Variants in ARHGAP21 observed in about 807,000 individuals in gnomAD.
ARHGAP21 encodes Rho GTPase activating protein 21, also known as rho GTPase-activating protein 21.
In ARHGAP21, 38 loss-of-function variants were observed where a neutral mutation model predicts 164.6. That is an observed-to-expected ratio of 0.23 (90% CI 0.18 to 0.30). ARHGAP21 has a LOEUF of 0.30. Among genes scored for constraint, ARHGAP21 ranks in the 10% least tolerant of loss-of-function variants. The pLI is 1.00. For synonymous variants in ARHGAP21, 766 were observed against 857.9 expected, an observed-to-expected ratio of 0.89 and a Z score of 1.87; for missense variants, 1,822 against 2,370.7, an observed-to-expected ratio of 0.77 and a Z score of 4.81.
intron 25 of ARHGAP21, among the ~76,000 whole-genome samples, chr10:24,587,387 T>C (rs546646313): frequency 4.6e-5 from 7 of 152,248 alleles, no homozygotes; most frequent in Admixed American, 3.9e-4. Context: ...TGCTGAGTAA[T>C]AGAAACAGAC....
chr10:24,621,468 C>T, intron 8 of ARHGAP21, 99 bp from the exon 9 acceptor site: 1 of 1,100,764 alleles, frequency 9.1e-7, no homozygotes, highest in South Asian at 1.7e-5. Flanking sequence ...CTACCTCGTT[C>T]CTGAGTGACA....
At position 24,598,741 on chromosome 10, in the gene ARHGAP21, A is replaced by AGTCT. The variant is rs199519975; in HGVS notation, c.3133-736_3133-733dup. Among the ~76,000 whole-genome samples the AGTCT allele has an allele frequency of 1.5e-3, 231 of 151,518 alleles. 5 individuals carry two copies. In the East Asian group the frequency reaches 0.038, roughly 25 times the overall value. On this transcript the variant is annotated intron_variant, in intron 14 of 25. Transcript: ENST00000396432. ...TGATGATACAGTTTACAAAGAATAC[A>AGTCT]GTCTTTAAATACGGGAGTAAGTTAT...
In ARHGAP21 at chr10:24,659,718, G is replaced by C. The variant is rs549792148; in HGVS notation, c.268+7267C>G. Among the ~76,000 whole-genome samples, 5 of 152,268 alleles carry C rather than the reference G, an allele frequency of 3.3e-5. No individual in the cohort carries two copies. The South Asian group carries it at 1.0e-3, about 32-fold the overall frequency. Reference sequence around the variant, plus strand: ...GAGATCTTGCTATGTTACCCAGGCTGTTCTCAACCTCCTGGCCTCAAGCTG... The same window carrying C: ...GAGATCTTGCTATGTTACCCAGGCTCTTCTCAACCTCCTGGCCTCAAGCTG... On this transcript the variant is annotated intron_variant, in intron 4 of 25. Transcript: ENST00000396432.
At position 24,600,750 on chromosome 10, in the gene ARHGAP21, G is replaced by T. The variant is rs2130897222; in HGVS notation, c.3028C>A (p.Arg1010=). The T allele has an allele frequency of 6.2e-7, 1 of 1,613,886 alleles. No homozygotes were observed. Among genetic ancestry groups the T allele is most frequent in the East Asian group, 2.2e-5 (1 of 44,868 alleles). ...CATTCACAGTCGGACGTGGTGAGTC[G>T]AAACACATTTTTCCTCTTGGTCTCA... ...YSETKRKNVF[R]LTTSDCECLF... is the part of the protein sequence containing the mutation. The change falls in exon 14 of 26, where the codon CGA becomes AGA. Residue 1010 remains arginine (R), a synonymous_variant. Transcript: ENST00000396432.
rs1273854694 is a variant in ARHGAP21, at chr10:24,723,582, G to C, written c.-401C>G. The C allele has an allele frequency of 6.8e-6, 1 of 146,334 alleles. No individual in the cohort carries two copies. Among genetic ancestry groups the C allele is most frequent in the Non-Finnish European group, 1.5e-5 (1 of 65,712 alleles). 9.1% of individuals were successfully genotyped at this position (146,334 alleles called of 1,614,324 possible). On this transcript the variant is annotated 5_prime_UTR_variant, in exon 1 of 26. It adds an upstream start codon to the 5' untranslated region. Coordinates refer to ENST00000396432, the MANE Select transcript of ARHGAP21 (RefSeq NM_020824.4). Reference sequence around the variant, plus strand: ...CGCACCAGAGGAAGCGGGACGAGTGGATCCGCACGGGGCTGGCCGGCTCCG... The same window carrying C: ...CGCACCAGAGGAAGCGGGACGAGTGCATCCGCACGGGGCTGGCCGGCTCCG...
chr10:24,584,842 A>C lies in ARHGAP21; in HGVS notation c.5447T>G (p.Leu1816Trp). Residue 1816 changes from leucine to tryptophan, a missense_variant, in exon 26 of 26, where the codon TTG (leucine) becomes TGG (tryptophan). Leu to Trp is a moderately conservative substitution (Grantham distance 61, BLOSUM62 -2). This residue lies in a region of ARHGAP21 where 165 missense variants were observed against 176.6 expected (regional missense o/e 0.93). Coordinates refer to ENST00000396432, the MANE Select transcript of ARHGAP21 (RefSeq NM_020824.4). ...GHRDATEISV[L>W]NFWKVHEQSG... ...CTGCTCATGCACTTTCCAAAAATTC[A>C]AAACGCTGATTTCGGTAGCATCTCT... The C allele has an allele frequency of 3.1e-6, 5 of 1,613,968 alleles. No homozygotes were observed. The highest frequency in any genetic ancestry group is 4.2e-6 in the Non-Finnish European group (5 of 1,179,860).
intron 9 of ARHGAP21, among the ~76,000 whole-genome samples, chr10:24,618,693 G>A (rs1834233653): frequency 6.6e-6 from 1 of 152,192 alleles, no homozygotes; most frequent in Non-Finnish European, 1.5e-5. Context: ...GATTGTGATA[G>A]GAGATCACGA....
At chr10:24,706,965 A>AAC (rs1283997011) in intron 2 of ARHGAP21, among the ~76,000 whole-genome samples, 1 of 152,212 alleles carries the variant, frequency 6.6e-6, no homozygotes, top group East Asian at 1.9e-4. Context: ...GTCCACAGCA[A>AAC]ACAAATTCCA....
At chr10:24,716,014 G>C (rs982418820) in intron 2 of ARHGAP21, among the ~76,000 whole-genome samples, 3 of 152,128 alleles carry the variant, frequency 2.0e-5, no homozygotes. Flanking sequence ...GTCTCAAAAA[G>C]AAATAAAATA....
At chr10:24,604,286 G>GT (rs1482148937) in intron 12 of ARHGAP21, 26 bp downstream of exon 12, 1 of 1,519,014 alleles carries the variant, frequency 6.6e-7, no homozygotes, top group Non-Finnish European at 8.9e-7. Flanking sequence ...ATAAACTAAG[G>GT]TAAGTAGAAA....
chr10:24,590,675 C>G, intron 24 of ARHGAP21: 1 of 1,329,038 alleles, frequency 7.5e-7, no homozygotes, highest in Non-Finnish European at 9.6e-7. Context: ...AGGGTGGCAA[C>G]AGGAAACAGA....
chr10:24,653,643 T>C (rs1363318728), intron 4 of ARHGAP21, among the ~76,000 whole-genome samples: 1 of 152,030 alleles, frequency 6.6e-6, no homozygotes, highest in Non-Finnish European at 1.5e-5. Flanking sequence ...TGGCCTTGAA[T>C]TCCTGGGTTC....
In ARHGAP21 at chr10:24,699,580, C is replaced by A. The variant is rs544568274; in HGVS notation, c.63+22257G>T. On this transcript the variant is annotated intron_variant, in intron 2 of 25. Transcript: ENST00000396432. ...CCTCAGGTGATCGGCTCACCTCGGC[C>A]TCCCAAAGTGCTGGGATTACAGGCA... Among the ~76,000 whole-genome samples, 417 of 152,276 alleles carry A rather than the reference C, an allele frequency of 2.7e-3. 2 individuals carry two copies. Among genetic ancestry groups the A allele is most frequent in the African/African-American group, 9.3e-3 (387 of 41,552 alleles).
At chr10:24,685,555 T>G (rs1842136362) in intron 2 of ARHGAP21, among the ~76,000 whole-genome samples, 1 of 152,182 alleles carries the variant, frequency 6.6e-6, no homozygotes, top group African/African-American at 2.4e-5. Flanking sequence ...AACCTCTTTC[T>G]TTTCTAAATA....
chr10:24,705,549 C>T (rs920299709), intron 2 of ARHGAP21, among the ~76,000 whole-genome samples: 1 of 152,134 alleles, frequency 6.6e-6, no homozygotes, highest in African/African-American at 2.4e-5. Context: ...GGAACTAATT[C>T]CATATCATAA....
chr10:24,604,028 A>G (rs1421897307), intron 12 of ARHGAP21, among the ~76,000 whole-genome samples: 3 of 138,736 alleles, frequency 2.2e-5, no homozygotes, highest in Non-Finnish European at 4.7e-5. Flanking sequence ...GAGGGGAGGG[A>G]GAAGAAAGAG....
chr10:24,705,108 T>C (rs1844107575), intron 2 of ARHGAP21, among the ~76,000 whole-genome samples: 1 of 152,184 alleles, frequency 6.6e-6, no homozygotes, highest in South Asian at 2.1e-4. Flanking sequence ...AATGAAGACG[T>C]CTTAAAAAGG....
In ARHGAP21 at chr10:24,589,273, T is replaced by TA. The variant is rs1440938790; in HGVS notation, c.4179dup (p.Lys1394Ter). On this transcript the variant is annotated frameshift_variant, in exon 25 of 26. Coordinates refer to ENST00000396432, the MANE Select transcript of ARHGAP21 (RefSeq NM_020824.4). LOFTEE classifies it low-confidence loss of function (END_TRUNC). ...TCAAATTGTATGAAACAATTTACCT[T>TA]AGATTTTGTTGAGTCACTAGTAGCT... is the stretch of plus-strand genomic sequence containing the variant. The TA allele has an allele frequency of 6.2e-7, 1 of 1,607,400 alleles. No individual in the cohort carries two copies. The highest frequency in any genetic ancestry group is 8.5e-7 in the Non-Finnish European group (1 of 1,175,344).
chr10:24,669,224 A>T (rs1840472956), intron 3 of ARHGAP21, among the ~76,000 whole-genome samples: 1 of 152,204 alleles, frequency 6.6e-6, no homozygotes, highest in African/African-American at 2.4e-5. Flanking sequence ...ACTTCAAAAA[A>T]GCATACCCTG....
Sources: allele counts gnomAD v4.1 joint callset (sites outside exome capture counted in the v4.1 genomes callset), GRCh38; gene constraint gnomAD v4.1.1; regional missense constraint gnomAD v4.1.1; transcripts MANE v1.5; gene names NCBI Gene and HGNC (gene_info 2026-07-23, HGNC 2026-07-21).